Variants in ULK4 observed in about 807,000 individuals in gnomAD.
ULK4 encodes the protein unc-51 like kinase 4, also known as inactive serine/threonine-protein kinase ULK4.
In ULK4, 133 loss-of-function variants were observed where a neutral mutation model predicts 160.6. The ratio of observed to expected loss-of-function variants is 0.83; its 90% CI spans 0.72 to 0.96. The LOEUF (loss-of-function observed/expected upper bound fraction) is 0.96. Ranked by LOEUF, ULK4 falls within the 40% of genes least tolerant of loss-of-function variation. ULK4 has a pLI of 0.00. For missense variants in ULK4, 1,580 were observed against 1,499.5 expected, an observed-to-expected ratio of 1.05 and a Z score of -0.89; for synonymous variants, 534 against 539.8, an observed-to-expected ratio of 0.99 and a Z score of 0.15.
At chr3:41,262,606 C>G (rs1181339997) in intron 35 of ULK4, among the ~76,000 whole-genome samples, 1 of 152,164 alleles carries the variant, frequency 6.6e-6, no homozygotes, top group African/African-American at 2.4e-5. Context: ...CCTGCCAAGT[C>G]TAGAGGCTAC....
chr3:41,932,151 A>T (rs1699625536), intron 4 of ULK4, 145 bp from the exon 5 acceptor site: 3 of 697,034 alleles, frequency 4.3e-6, no homozygotes, highest in Non-Finnish European at 6.5e-6. Flanking sequence ...TAATTTTTTT[A>T]AAAGCTAAAG....
intron 23 of ULK4, 97 bp downstream of exon 23, chr3:41,717,630 GA>G: frequency 6.9e-7 from 1 of 1,454,710 alleles, no homozygotes; most frequent in Non-Finnish European, 9.3e-7. Context: ...TTGCCTTCAA[GA>G]ACAGACAAGT....
chr3:41,653,644 T>C (rs2034828645), intron 30 of ULK4, among the ~76,000 whole-genome samples: 1 of 152,232 alleles, frequency 6.6e-6, no homozygotes, highest in Non-Finnish European at 1.5e-5. Context: ...AAACATTTTC[T>C]GAAAAGTGTC....
intron 34 of ULK4, among the ~76,000 whole-genome samples, chr3:41,404,740 T>C (rs924311913): frequency 6.6e-6 from 1 of 152,204 alleles, no homozygotes; most frequent in African/African-American, 2.4e-5. Context: ...CATATGTGCA[T>C]GTGCTCAGGC....
intron 31 of ULK4, among the ~76,000 whole-genome samples, chr3:41,599,178 T>C (rs1010195367): frequency 6.6e-6 from 1 of 152,170 alleles, no homozygotes. Context: ...AATGTTTAGG[T>C]CAGCTGATTA....
chr3:41,357,024 C>G (rs190353159), intron 35 of ULK4, among the ~76,000 whole-genome samples: 2 of 152,162 alleles, frequency 1.3e-5, no homozygotes, highest in Admixed American at 6.5e-5. Flanking sequence ...AATCTCGACT[C>G]TAAGCCCTTT....
intron 10 of ULK4, 57 bp downstream of exon 10, chr3:41,911,484 T>G: frequency 6.3e-7 from 1 of 1,588,060 alleles, no homozygotes; most frequent in Non-Finnish European, 8.6e-7. Context: ...ACACTGAAAT[T>G]AGGAACTCTC....
At chr3:41,618,018 A>G (rs2033062110) in intron 30 of ULK4, among the ~76,000 whole-genome samples, 2 of 152,196 alleles carry the variant, frequency 1.3e-5, no homozygotes, top group Non-Finnish European at 2.9e-5. Context: ...GGAAGAAAGT[A>G]TATCAGAGAT....
intron 35 of ULK4, among the ~76,000 whole-genome samples, chr3:41,263,559 A>G (rs1453885717): frequency 6.6e-6 from 1 of 152,040 alleles, no homozygotes; most frequent in Non-Finnish European, 1.5e-5. Flanking sequence ...CAGCCACTAT[A>G]CATAGGGACA....
chr3:41,563,187 C>T (rs1258484790), intron 32 of ULK4, among the ~76,000 whole-genome samples: 1 of 152,138 alleles, frequency 6.6e-6, no homozygotes, highest in African/African-American at 2.4e-5. Flanking sequence ...AATATTGGCC[C>T]CCACTCTCTT....
At position 41,942,065 on chromosome 3, in the gene ULK4, G is replaced by A. The variant is rs566629914; in HGVS notation, c.139-3868C>T. ...ACCTTCACCTCAACCACCTATCCAC[G>A]GTTACTCCACAGACCTGCGGTGTTC... On this transcript the variant is annotated intron_variant, in intron 2 of 36. Transcript: ENST00000301831. Among the ~76,000 whole-genome samples the A allele has an allele frequency of 5.9e-5, 9 of 152,176 alleles. No individual in the cohort carries two copies. In the South Asian group the frequency reaches 1.9e-3, roughly 32 times the overall value.
intron 17 of ULK4, among the ~76,000 whole-genome samples, chr3:41,855,210 G>A (rs913842272): frequency 7.3e-6 from 1 of 137,694 alleles, no homozygotes; most frequent in Non-Finnish European, 1.5e-5. Context: ...CCTTGACCAC[G>A]ACTCTTAGCA....
At position 41,777,929 on chromosome 3, in the gene ULK4, G is replaced by A. The variant is rs553293485; in HGVS notation, c.2193+11732C>T. Among the ~76,000 whole-genome samples the A allele has an allele frequency of 1.4e-5, 2 of 140,918 alleles. 1 individual carries two copies. Among genetic ancestry groups the A allele is most frequent in the Admixed American group, 1.4e-4 (2 of 14,084 alleles). The allele number at this position is 140,918 out of a possible 152,430, so 92.4% of individuals were successfully genotyped here. On this transcript the variant is annotated intron_variant, in intron 21 of 36. Transcript: ENST00000301831. ...TCCCTTTGAAAACTGGCACAAGACA[G>A]GGATGCCCTCTCTCACCACTCCTAT...
chr3:41,612,427 A>G (rs1180260374), intron 31 of ULK4, among the ~76,000 whole-genome samples: 1 of 152,100 alleles, frequency 6.6e-6, no homozygotes, highest in Non-Finnish European at 1.5e-5. Flanking sequence ...AACAGCTCCT[A>G]TAATGCTCCT....
chr3:41,557,030 A>G (rs1008172527), intron 32 of ULK4, among the ~76,000 whole-genome samples: 1 of 152,200 alleles, frequency 6.6e-6, no homozygotes, highest in Non-Finnish European at 1.5e-5. Context: ...ACTATGTATC[A>G]TAACTGTGGT....
chr3:41,792,168 A>T (rs149100334), intron 20 of ULK4, among the ~76,000 whole-genome samples: 112 of 152,300 alleles, frequency 7.4e-4, no homozygotes, highest in Middle Eastern at 3.4e-3. Flanking sequence ...TAATATCTGA[A>T]AAGAGGAATA....
At chr3:41,645,605 C>T (rs1308884119) in intron 30 of ULK4, among the ~76,000 whole-genome samples, 1 of 151,942 alleles carries the variant, frequency 6.6e-6, no homozygotes, top group East Asian at 1.9e-4. Flanking sequence ...GAGAGCTTTA[C>T]TTCCAAGTAT....
chr3:41,892,982 T>C (rs1424859348), intron 16 of ULK4, among the ~76,000 whole-genome samples: 2 of 152,218 alleles, frequency 1.3e-5, no homozygotes, highest in Non-Finnish European at 2.9e-5. Context: ...GAAGCCTTCT[T>C]CCCTAGCAAC....
chr3:41,569,284 T>C (rs1033799159), intron 31 of ULK4, among the ~76,000 whole-genome samples: 4 of 152,054 alleles, frequency 2.6e-5, no homozygotes, highest in Non-Finnish European at 4.4e-5. Context: ...AGGGTGGAGA[T>C]TGGGACTCAA....
Sources: gnomAD v4.1 joint callset for allele counts (sites outside exome capture counted in the v4.1 genomes callset) on GRCh38, gnomAD v4.1.1 for gene constraint, MANE v1.5 for transcripts, NCBI Gene and HGNC (gene_info 2026-07-23, HGNC 2026-07-21) for gene names.